DRC8: variants seen among roughly 807,000 people sequenced by gnomAD.
DRC8 encodes dynein regulatory complex subunit 8.
At chr1:245,095,219 G>A in the DRC8 span, among the ~76,000 whole-genome samples, 1 of 152,220 alleles carries the variant, frequency 6.6e-6, no homozygotes, top group African/African-American at 2.4e-5. Flanking sequence ...ACTGAGCTGA[G>A]CTCCGTCTGG....
chr1:245,105,910 C>T, the DRC8 span, among the ~76,000 whole-genome samples: 2 of 152,092 alleles, frequency 1.3e-5, no homozygotes, highest in Non-Finnish European at 2.9e-5. Flanking sequence ...GACCCCATCT[C>T]TACAAAAATT....
the DRC8 span, among the ~76,000 whole-genome samples, chr1:245,115,518 C>A: frequency 6.6e-6 from 1 of 152,354 alleles, no homozygotes; most frequent in East Asian, 1.9e-4. Flanking sequence ...TCTCAACTTA[C>A]CTCTTTTTGC....
chr1:245,106,838 G>A, the DRC8 span, among the ~76,000 whole-genome samples: 1 of 152,190 alleles, frequency 6.6e-6, no homozygotes, highest in African/African-American at 2.4e-5. Context: ...TGAGGTGTTT[G>A]AGACCAGCCT....
the DRC8 span, among the ~76,000 whole-genome samples, chr1:245,039,635 TC>T: frequency 1.3e-5 from 2 of 152,166 alleles, no homozygotes; most frequent in Non-Finnish European, 2.9e-5. Context: ...CCCTCCTCTC[TC>T]CCAGGATCCG....
chr1:245,054,415 C>T, the DRC8 span, among the ~76,000 whole-genome samples: 8 of 152,280 alleles, frequency 5.3e-5, no homozygotes, highest in East Asian at 1.9e-4. Flanking sequence ...CCACCTTCAA[C>T]GGAGAGTGCC....
At chr1:244,979,292 C>CTT in the DRC8 span, among the ~76,000 whole-genome samples, 84 of 51,380 alleles carry the variant, frequency 1.6e-3, 14 homozygotes, top group African/African-American at 6.3e-3. Flanking sequence ...CGAAGCTTAT[C>CTT]TTTTTTTTTT....
the DRC8 span, among the ~76,000 whole-genome samples, chr1:245,068,463 A>C: frequency 6.6e-6 from 1 of 151,788 alleles, no homozygotes; most frequent in Admixed American, 6.6e-5. Context: ...TTTTTTAGAG[A>C]CTGGGTCTCA....
At chr1:245,015,067 A>C in the DRC8 span, among the ~76,000 whole-genome samples, 1 of 152,006 alleles carries the variant, frequency 6.6e-6, no homozygotes, top group African/African-American at 2.4e-5. Flanking sequence ...CTCATGCCTA[A>C]TCTCTTTCTT....
chr1:245,065,673 G>C, the DRC8 span, among the ~76,000 whole-genome samples: 1 of 152,048 alleles, frequency 6.6e-6, no homozygotes, highest in Non-Finnish European at 1.5e-5. Flanking sequence ...AACCTTGGCT[G>C]TCAGTTCCTA....
the DRC8 span, among the ~76,000 whole-genome samples, chr1:245,020,613 C>CTTTTTTT: frequency 1.7e-5 from 1 of 59,704 alleles, no homozygotes. Flanking sequence ...GTTTTTCTTT[C>CTTTTTTT]TTTTTTTTTT....
chr1:245,076,886 C>T, the DRC8 span, among the ~76,000 whole-genome samples: 1 of 152,074 alleles, frequency 6.6e-6, no homozygotes, highest in East Asian at 1.9e-4. Flanking sequence ...ACCACCATGT[C>T]CAGCTAATTT....
At chr1:245,038,693 T>A in the DRC8 span, among the ~76,000 whole-genome samples, 1 of 146,162 alleles carries the variant, frequency 6.8e-6, no homozygotes, top group African/African-American at 2.5e-5. Context: ...TAAAATTGGG[T>A]CTGTACTTCA....
At chr1:245,080,454 ATG>A in the DRC8 span, among the ~76,000 whole-genome samples, 4 of 152,202 alleles carry the variant, frequency 2.6e-5, no homozygotes, top group Non-Finnish European at 4.4e-5. Context: ...AATACGTATT[ATG>A]ATGATTTAAG....
chr1:244,999,783 C>T, the DRC8 span, among the ~76,000 whole-genome samples: 1 of 151,912 alleles, frequency 6.6e-6, no homozygotes, highest in Non-Finnish European at 1.5e-5. Flanking sequence ...CCTATACATA[C>T]ATACCCATGA....
chr1:245,096,662 A>G, the DRC8 span, among the ~76,000 whole-genome samples: 2 of 152,350 alleles, frequency 1.3e-5, no homozygotes, highest in African/African-American at 4.8e-5. Context: ...CTCACAGAGG[A>G]CTTCATAGAG....
the DRC8 span, among the ~76,000 whole-genome samples, chr1:245,051,768 A>C: frequency 2.6e-5 from 4 of 152,370 alleles, no homozygotes; most frequent in African/African-American, 9.6e-5. Flanking sequence ...CAGCTAATAA[A>C]GAAAATAATG....
At chr1:245,021,036 T>C in the DRC8 span, among the ~76,000 whole-genome samples, 1 of 152,216 alleles carries the variant, frequency 6.6e-6, no homozygotes, top group African/African-American at 2.4e-5. Context: ...AGGTGTTACA[T>C]ATTTACATTG....
At chr1:245,017,280 G>T in the DRC8 span, 1 of 1,609,706 alleles carries the variant, frequency 6.2e-7, no homozygotes, top group Non-Finnish European at 8.5e-7. Flanking sequence ...AATCAAAGAG[G>T]CATTTGAAGT....
At chr1:245,078,093 G>A in the DRC8 span, among the ~76,000 whole-genome samples, 1 of 152,006 alleles carries the variant, frequency 6.6e-6, no homozygotes, top group African/African-American at 2.4e-5. Flanking sequence ...TGTCCAACAG[G>A]TATATGAACA....
Sources: gnomAD v4.1 joint callset for allele counts (sites outside exome capture counted in the v4.1 genomes callset) on GRCh38, gnomAD v4.1.1 for gene constraint, MANE v1.5 for transcripts, NCBI Gene and HGNC (gene_info 2026-07-23, HGNC 2026-07-21) for gene names.